Variants in ENOX1 observed in about 807,000 individuals in gnomAD.
The protein encoded by ENOX1 is candidate growth-related and time keeping constitutive hydroquinone (NADH) oxidase.
In ENOX1, 42 loss-of-function variants were observed where a neutral mutation model predicts 82.5. That is an observed-to-expected ratio of 0.51 (90% CI 0.40 to 0.66). The LOEUF is 0.66. Ranked by LOEUF, ENOX1 falls within the 30% of genes least tolerant of loss-of-function variation. The pLI, the probability that ENOX1 is intolerant of heterozygous loss-of-function variation, is 0.00. For missense variants in ENOX1, 608 were observed against 811.6 expected, an observed-to-expected ratio of 0.75 and a Z score of 3.05; for synonymous variants, 271 against 282.2, an observed-to-expected ratio of 0.96 and a Z score of 0.40.
intron 5 of ENOX1, chr13:43,394,635 C>G (rs1198007629): frequency 6.6e-6 from 1 of 152,416 alleles, no homozygotes; most frequent in African/African-American, 2.4e-5. Flanking sequence ...CCACCAAGCA[C>G]ACCAAGTTCA....
At chr13:43,710,951 A>G (rs920860039) in intron 1 of ENOX1, among the ~76,000 whole-genome samples, 7 of 151,992 alleles carry the variant, frequency 4.6e-5, no homozygotes, top group African/African-American at 1.7e-4. Flanking sequence ...GTTTTAGGTT[A>G]CATGTGCACA....
intron 2 of ENOX1, among the ~76,000 whole-genome samples, chr13:43,607,706 A>G (rs1235846564): frequency 1.3e-5 from 2 of 152,312 alleles, no homozygotes; most frequent in Middle Eastern, 6.8e-3. Flanking sequence ...GTTACTGCTC[A>G]CCAATTAGGG....
intron 2 of ENOX1, among the ~76,000 whole-genome samples, chr13:43,549,883 G>C (rs1026489775): frequency 5.9e-5 from 9 of 152,158 alleles, no homozygotes; most frequent in Non-Finnish European, 1.3e-4. Flanking sequence ...ACTGGTTCAG[G>C]AGACACTAGT....
chr13:43,311,435 T>C (rs1198153597), intron 11 of ENOX1, among the ~76,000 whole-genome samples: 3 of 152,154 alleles, frequency 2.0e-5, no homozygotes, highest in African/African-American at 7.2e-5. Context: ...TAGTTTTAAT[T>C]TCCTATCCAT....
chr13:43,225,370 T>C (rs755986614), intron 15 of ENOX1, among the ~76,000 whole-genome samples: 7 of 152,130 alleles, frequency 4.6e-5, no homozygotes, highest in Non-Finnish European at 8.8e-5. Flanking sequence ...AGTCATGCAA[T>C]AGGCCTCTGT....
At chr13:43,323,884 A>T (rs1401247894) in intron 10 of ENOX1, among the ~76,000 whole-genome samples, 1 of 152,158 alleles carries the variant, frequency 6.6e-6, no homozygotes, top group Non-Finnish European at 1.5e-5. Flanking sequence ...AGCATGATGG[A>T]GAGGAAAGTA....
At chr13:43,359,524 T>C (rs1594131494) in intron 7 of ENOX1, among the ~76,000 whole-genome samples, 1 of 152,320 alleles carries the variant, frequency 6.6e-6, no homozygotes, top group Non-Finnish European at 1.5e-5. Flanking sequence ...GAGAGTACTT[T>C]ACTCCTCCTA....
At chr13:43,322,544 A>T (rs759769885) in intron 10 of ENOX1, 43 bp from the exon 11 acceptor site, 1 of 1,522,558 alleles carries the variant, frequency 6.6e-7, no homozygotes, top group Non-Finnish European at 9.1e-7. Context: ...ACAGACACAT[A>T]TGGCTTTCCC....
chr13:43,307,371 C>T (rs963660160), intron 11 of ENOX1, among the ~76,000 whole-genome samples: 3 of 152,164 alleles, frequency 2.0e-5, no homozygotes, highest in African/African-American at 4.8e-5. Context: ...CCAGATGTTA[C>T]GAATCTGAGA....
chr13:43,316,876 A>G (rs772847086), intron 11 of ENOX1, among the ~76,000 whole-genome samples: 1 of 152,120 alleles, frequency 6.6e-6, no homozygotes, highest in Non-Finnish European at 1.5e-5. Context: ...CCACCTTGCA[A>G]GATTTCTTTT....
At chr13:43,231,149 C>T (rs756189645) in intron 15 of ENOX1, among the ~76,000 whole-genome samples, 4 of 152,190 alleles carry the variant, frequency 2.6e-5, no homozygotes, top group African/African-American at 4.8e-5. Context: ...TGTCTCTAGA[C>T]ACAGTCACAT....
chr13:43,547,027 C>T (rs879872252), intron 2 of ENOX1: 3 of 152,164 alleles, frequency 2.0e-5, no homozygotes, highest in Non-Finnish European at 2.9e-5. Context: ...CTGGGCCAAT[C>T]GAGGATTATT....
intron 3 of ENOX1, among the ~76,000 whole-genome samples, chr13:43,437,449 G>A (rs114448418): frequency 0.012 from 1,839 of 152,146 alleles, 28 homozygotes; most frequent in African/African-American, 0.041. Context: ...CAACTTTATC[G>A]GGATTCAATC....
At chr13:43,311,475 T>C (rs1364897502) in intron 11 of ENOX1, among the ~76,000 whole-genome samples, 1 of 152,164 alleles carries the variant, frequency 6.6e-6, no homozygotes, top group Non-Finnish European at 1.5e-5. Context: ...CCCCCTACCA[T>C]GTACAATGTA....
At chr13:43,579,810 G>A (rs2080621700) in intron 2 of ENOX1, among the ~76,000 whole-genome samples, 1 of 152,188 alleles carries the variant, frequency 6.6e-6, no homozygotes, top group African/African-American at 2.4e-5. Flanking sequence ...TTCTTAATTA[G>A]AAAGGAAGAA....
At chr13:43,461,580 C>A (rs745666226) in intron 3 of ENOX1, among the ~76,000 whole-genome samples, 1 of 152,160 alleles carries the variant, frequency 6.6e-6, no homozygotes, top group Admixed American at 6.5e-5. Context: ...AGGCAAATGA[C>A]CCCACCGCCA....
intron 14 of ENOX1, among the ~76,000 whole-genome samples, chr13:43,258,633 C>G (rs2043883821): frequency 1.3e-5 from 2 of 152,236 alleles, no homozygotes; most frequent in South Asian, 4.1e-4. Flanking sequence ...ATCTGCAGAG[C>G]AAAGGTGACC....
intron 12 of ENOX1, among the ~76,000 whole-genome samples, chr13:43,274,613 C>G (rs2044892012): frequency 6.6e-6 from 1 of 152,174 alleles, no homozygotes; most frequent in South Asian, 2.1e-4. Flanking sequence ...TCAGAAGAGT[C>G]TCTTGGTTGG....
At chr13:43,414,448 G>A (rs1307908335) in intron 3 of ENOX1, among the ~76,000 whole-genome samples, 1 of 152,124 alleles carries the variant, frequency 6.6e-6, no homozygotes, top group Non-Finnish European at 1.5e-5. Flanking sequence ...CTCAGAACCT[G>A]CATGTGTATT....
Sources: gnomAD v4.1 joint callset for allele counts (sites outside exome capture counted in the v4.1 genomes callset) on GRCh38, gnomAD v4.1.1 for gene constraint, MANE v1.5 for transcripts, NCBI Gene and HGNC (gene_info 2026-07-23, HGNC 2026-07-21) for gene names.